Variants in PTPRM observed in about 807,000 individuals in gnomAD.
PTPRM encodes receptor-type tyrosine-protein phosphatase mu.
In PTPRM, 47 loss-of-function variants were observed where a neutral mutation model predicts 186.7. That is an observed-to-expected ratio of 0.25 (90% CI 0.20 to 0.32). PTPRM has a LOEUF of 0.32. Ranked by LOEUF, PTPRM falls within the 10% of genes least tolerant of loss-of-function variation. PTPRM has a pLI of 1.00. For synonymous variants in PTPRM, 668 were observed against 674.9 expected (o/e 0.99, Z 0.16); for missense variants, 1,494 against 1,865.0 (o/e 0.80, Z 3.66).
At chr18:7,757,839 G>T (rs1358799352) in intron 1 of PTPRM, among the ~76,000 whole-genome samples, 1 of 152,106 alleles carries the variant, frequency 6.6e-6, no homozygotes, top group African/African-American at 2.4e-5. Flanking sequence ...AGTGGGTATG[G>T]GGTATCCCAA....
intron 14 of PTPRM, among the ~76,000 whole-genome samples, chr18:8,240,598 GGAGAGAGAGAGAGAGGGAGGGAGAGA>G (rs2094409906): frequency 9.3e-6 from 1 of 107,002 alleles, no homozygotes; most frequent in African/African-American, 3.8e-5. Context: ...CAACCTGCAT[GGAGAGAGAGAGAGAGGGAGGGAGAGA>G]GAGAGAGAGA....
At chr18:7,585,533 T>C (rs1442420792) in intron 1 of PTPRM, among the ~76,000 whole-genome samples, 1 of 152,188 alleles carries the variant, frequency 6.6e-6, no homozygotes, top group Non-Finnish European at 1.5e-5. Context: ...GGAAAAGTGT[T>C]GAGTATTGGG....
intron 2 of PTPRM, among the ~76,000 whole-genome samples, chr18:7,880,718 C>A (rs953852989): frequency 2.0e-5 from 3 of 152,184 alleles, no homozygotes; most frequent in African/African-American, 4.8e-5. Context: ...TTCCTCTTCC[C>A]TATTTCAGGA....
At chr18:7,795,338 TA>T (rs1426857386) in intron 2 of PTPRM, among the ~76,000 whole-genome samples, 9 of 152,194 alleles carry the variant, frequency 5.9e-5, no homozygotes, top group Admixed American at 5.9e-4. Context: ...ATCTGTTTTT[TA>T]AAACTCTGAG....
chr18:7,825,930 A>C (rs565935927), intron 2 of PTPRM, among the ~76,000 whole-genome samples: 1 of 152,174 alleles, frequency 6.6e-6, no homozygotes, highest in Non-Finnish European at 1.5e-5. Flanking sequence ...GAAGCTTTCC[A>C]TATATTAACT....
chr18:7,999,692 G>A (rs1181083053), intron 7 of PTPRM, among the ~76,000 whole-genome samples: 1 of 151,922 alleles, frequency 6.6e-6, no homozygotes, highest in Non-Finnish European at 1.5e-5. Flanking sequence ...TGCTAATTGA[G>A]CATTTGTTTT....
intron 1 of PTPRM, among the ~76,000 whole-genome samples, chr18:7,772,449 CCT>C (rs2042367583): frequency 5.1e-5 from 1 of 19,768 alleles, no homozygotes; most frequent in African/African-American, 1.9e-4. Context: ...CCTTCCCCTT[CCT>C]TCCTTCCTTC....
chr18:7,830,691 T>G (rs2045716478), intron 2 of PTPRM, among the ~76,000 whole-genome samples: 1 of 152,076 alleles, frequency 6.6e-6, no homozygotes, highest in South Asian at 2.1e-4. Flanking sequence ...GGCCTTGAAA[T>G]AGGTCGCATA....
At chr18:8,286,293 G>A (rs1398021591) in intron 19 of PTPRM, among the ~76,000 whole-genome samples, 3 of 152,134 alleles carry the variant, frequency 2.0e-5, no homozygotes, top group Admixed American at 6.5e-5. Flanking sequence ...AGATGACTAC[G>A]ACATTCACCC....
chr18:7,578,526 G>A (rs1200365226), intron 1 of PTPRM, among the ~76,000 whole-genome samples: 13 of 151,980 alleles, frequency 8.6e-5, no homozygotes, highest in African/African-American at 2.2e-4. Flanking sequence ...TAGTAGAGAT[G>A]GGGTTTCACT....
chr18:8,294,684 T>C (rs2095076917), intron 19 of PTPRM, among the ~76,000 whole-genome samples: 1 of 152,208 alleles, frequency 6.6e-6, no homozygotes, highest in Admixed American at 6.5e-5. Flanking sequence ...GATCCTACCA[T>C]GTTTTTGAAA....
intron 1 of PTPRM, among the ~76,000 whole-genome samples, chr18:7,731,217 A>G (rs1177211882): frequency 6.6e-6 from 1 of 152,214 alleles, no homozygotes; most frequent in Non-Finnish European, 1.5e-5. Flanking sequence ...AAAACATTCA[A>G]TATCCAGTAA....
intron 3 of PTPRM, among the ~76,000 whole-genome samples, chr18:7,906,236 G>A (rs565112498): frequency 6.2e-4 from 94 of 152,082 alleles, no homozygotes; most frequent in South Asian, 4.8e-3. Flanking sequence ...GTCATCCCCC[G>A]CAACCCCATG....
At chr18:8,358,658 C>G (rs187072474) in intron 23 of PTPRM, among the ~76,000 whole-genome samples, 8 of 152,178 alleles carry the variant, frequency 5.3e-5, no homozygotes, top group Non-Finnish European at 1.0e-4. Context: ...AAGACATGTA[C>G]AACCCAATTA....
intron 2 of PTPRM, among the ~76,000 whole-genome samples, chr18:7,881,503 A>G (rs1013506650): frequency 2.6e-5 from 4 of 152,220 alleles, no homozygotes; most frequent in Admixed American, 2.0e-4. Context: ...TTTGAAAAAT[A>G]TTAGTCTTAG....
At chr18:7,678,792 T>C (rs2039409562) in intron 1 of PTPRM, among the ~76,000 whole-genome samples, 1 of 152,244 alleles carries the variant, frequency 6.6e-6, no homozygotes, top group African/African-American at 2.4e-5. Context: ...TAGATGGATA[T>C]ATCTGACTTA....
At chr18:8,117,999 T>C (rs1219202719) in intron 13 of PTPRM, among the ~76,000 whole-genome samples, 3 of 152,120 alleles carry the variant, frequency 2.0e-5, no homozygotes, top group Non-Finnish European at 2.9e-5. Flanking sequence ...TTCACCATGG[T>C]GGTCTCATGG....
intron 7 of PTPRM, among the ~76,000 whole-genome samples, chr18:7,956,884 C>T (rs1237025198): frequency 6.6e-6 from 1 of 152,174 alleles, no homozygotes; most frequent in East Asian, 1.9e-4. Flanking sequence ...TGTTATTTTA[C>T]CACTGCCTTA....
At chr18:8,046,061 A>C (rs1341222622) in intron 7 of PTPRM, among the ~76,000 whole-genome samples, 1 of 152,054 alleles carries the variant, frequency 6.6e-6, no homozygotes, top group Non-Finnish European at 1.5e-5. Context: ...TGCTGTTCTC[A>C]TGATAGTGAG....
Sources: allele counts gnomAD v4.1 joint callset (sites outside exome capture counted in the v4.1 genomes callset), GRCh38; gene constraint gnomAD v4.1.1; transcripts MANE v1.5; gene names NCBI Gene and HGNC (gene_info 2026-07-23, HGNC 2026-07-21).